MESP1: variants seen among roughly 807,000 people sequenced by gnomAD.
The protein encoded by MESP1 is mesoderm posterior bHLH transcription factor 1.
A neutral mutation model predicts 15.2 loss-of-function variants in MESP1; 22 were observed. The observed-to-expected ratio is 1.45, with a 90% CI of 1.04 to 2.07. The LOEUF (loss-of-function observed/expected upper bound fraction) is 2.07, where lower values mean the gene tolerates loss of function less well. Ranked by LOEUF, MESP1 falls within the 30% of genes most tolerant of loss-of-function variation. MESP1 has a pLI of 0.00. For missense variants in MESP1, 484 were observed against 411.9 expected (o/e 1.17, Z -1.51); for synonymous variants, 216 against 192.6 (o/e 1.12, Z -1.01).
downstream of MESP1, chr15:89,748,986 T>G (rs952301532): frequency 1.3e-5 from 2 of 152,196 alleles, no homozygotes; most frequent in African/African-American, 4.8e-5. Flanking sequence ...TGGGTATCTA[T>G]CCATAGAGGG....
downstream of MESP1, among the ~76,000 whole-genome samples, chr15:89,747,705 C>T (rs569780828): frequency 2.0e-5 from 3 of 152,320 alleles, no homozygotes; most frequent in East Asian, 1.9e-4. Flanking sequence ...GAGTCACAGC[C>T]GGGTCCAGAT....
At chr15:89,745,948 AACACCTCCACACATCC>A (rs1416459286), downstream of MESP1, among the ~76,000 whole-genome samples, 8 of 143,218 alleles carry the variant, frequency 5.6e-5, no homozygotes, top group Non-Finnish European at 1.2e-4. This position sits in a 1 kb window ranked among gnomAD's most constrained non-coding sequence, Gnocchi z 4.8. Flanking sequence ...TCCACACACC[AACACCTCCACACATCC>A]ACACCTCCAC....
At chr15:89,747,050 G>GCGCACA (rs147675272), downstream of MESP1, among the ~76,000 whole-genome samples, 1 of 105,562 alleles carries the variant, frequency 9.5e-6, no homozygotes, top group African/African-American at 3.8e-5. Context: ...ACATGCGCAT[G>GCGCACA]CACACACACA....
the MESP1 span, among the ~76,000 whole-genome samples, chr15:89,733,601 G>A: frequency 3.9e-5 from 6 of 152,054 alleles, no homozygotes; most frequent in Non-Finnish European, 8.8e-5. Flanking sequence ...GGTATCATGG[G>A]AGTGGAAATA....
chr15:89,736,241 G>A, the MESP1 span, among the ~76,000 whole-genome samples: 3 of 152,288 alleles, frequency 2.0e-5, no homozygotes, highest in East Asian at 1.9e-4. Context: ...AAGCGTGCGC[G>A]GTTGATCCTC....
the MESP1 span, chr15:89,743,463 C>A: frequency 6.9e-7 from 1 of 1,458,462 alleles, no homozygotes; most frequent in Non-Finnish European, 9.5e-7. Flanking sequence ...GACACTGAGG[C>A]CAAGAGAAAT....
Position 89,750,128 on chromosome 15 carries a change from C to T in MESP1, c.*16G>A, listed in dbSNP as rs1477863098. ...AAAGCCTCGGTGCTCACAGAGACGGCGTCAGTTGTCCCTTGTCACTTGGGC... is the reference window on the plus strand; with the variant it reads ...AAAGCCTCGGTGCTCACAGAGACGGTGTCAGTTGTCCCTTGTCACTTGGGC... On this transcript the variant is annotated 3_prime_UTR_variant, in exon 2 of 2. Coordinates refer to ENST00000300057, the MANE Select transcript of MESP1 (RefSeq NM_018670.4). 9 of 1,612,856 alleles carry T rather than the reference C, an allele frequency of 5.6e-6. No individual in the cohort carries two copies. The highest frequency in any genetic ancestry group is 7.6e-6 in the Non-Finnish European group (9 of 1,179,150).
rs1350009707 is a variant in MESP1 at position 89,750,814 on chromosome 15, G to A, written c.418C>T (p.Leu140=). ...TGGAGACTCTCCTCGCTGAGGCCTA[G>A]CACGGCCGACAGGTGGCCGATATAG... The part of the protein sequence containing the change: ...IRYIGHLSAV[L]GLSEESLQRR... The change falls in exon 1 of 2, where the codon CTA becomes TTA. Residue 140 remains leucine, a synonymous_variant. Coordinates refer to ENST00000300057, the MANE Select transcript of MESP1 (RefSeq NM_018670.4). 1 of 1,530,572 alleles carries A rather than the reference G, an allele frequency of 6.5e-7. No homozygotes were observed. Among genetic ancestry groups the A allele is most frequent in the African/African-American group, 1.4e-5 (1 of 70,254 alleles). The allele number at this position is 1,530,572 out of a possible 1,614,324, so 94.8% of individuals were successfully genotyped here. A position where few individuals can be genotyped will look rare whatever the true frequency, so the allele number is the denominator to read the frequency against.
chr15:89,746,310 C>A (rs1967949516), downstream of MESP1, among the ~76,000 whole-genome samples: 1 of 144,196 alleles, frequency 6.9e-6, no homozygotes, highest in African/African-American at 2.8e-5. Context: ...CACATCCACA[C>A]AGTATCCACA....
rs1302627219 is a variant in MESP1 at position 89,751,031 on chromosome 15, G to A, written c.201C>T (p.Pro67=). The change falls in exon 1 of 2, where the codon CCC becomes CCT. Residue 67 remains proline, a synonymous_variant. Coordinates refer to ENST00000300057, the MANE Select transcript of MESP1 (RefSeq NM_018670.4). ...RPGTLRDPRA[P]SVGRRGARSS... ...TGCGCGCGCCGCGCCTACCTACGGAGGGGGCGCGGGGGTCCCGGAGGGTGC... is the reference window on the plus strand; with the variant it reads ...TGCGCGCGCCGCGCCTACCTACGGAAGGGGCGCGGGGGTCCCGGAGGGTGC... 1 of 1,347,490 alleles carries A rather than the reference G, an allele frequency of 7.4e-7. No individual in the cohort carries two copies. Among genetic ancestry groups the A allele is most frequent in the Non-Finnish European group, 9.5e-7 (1 of 1,057,960 alleles). 83.5% of individuals were successfully genotyped at this position (1,347,490 alleles called of 1,614,324 possible). A position where few individuals can be genotyped will look rare whatever the true frequency, so the allele number is the denominator to read the frequency against.
At chr15:89,746,685 CCA>C (rs1311100911), downstream of MESP1, among the ~76,000 whole-genome samples, 6 of 142,634 alleles carry the variant, frequency 4.2e-5, no homozygotes, top group Middle Eastern at 3.8e-3. Flanking sequence ...AGCCGCACCT[CCA>C]CACACACACA....
At chr15:89,739,483 ACT>A in the MESP1 span, among the ~76,000 whole-genome samples, 1 of 152,090 alleles carries the variant, frequency 6.6e-6, no homozygotes, top group African/African-American at 2.4e-5. Flanking sequence ...TCCTGCAAGC[ACT>A]GTTTTCTTGC....
chr15:89,735,070 C>T, the MESP1 span, among the ~76,000 whole-genome samples: 1 of 151,006 alleles, frequency 6.6e-6, no homozygotes, highest in East Asian at 2.0e-4. Flanking sequence ...TTGTTTGAGA[C>T]ACGGTCTCAC....
the MESP1 span, among the ~76,000 whole-genome samples, chr15:89,741,740 A>G: frequency 8.0e-3 from 1,221 of 152,122 alleles, 16 homozygotes; most frequent in African/African-American, 0.027. Flanking sequence ...AAATCTAAAT[A>G]TAAAACCTAT....
the MESP1 span, among the ~76,000 whole-genome samples, chr15:89,735,295 G>A: frequency 6.6e-6 from 1 of 152,118 alleles, no homozygotes; most frequent in African/African-American, 2.4e-5. Flanking sequence ...ATATTTCATT[G>A]TATAAGATAC....
Position 89,750,931 on chromosome 15 carries a change from C to A in MESP1, c.301G>T (p.Ala101Ser), listed in dbSNP as rs537226260. Residue 101 changes from alanine (A) to serine (S), a missense_variant, in exon 1 of 2, where the codon GCC (alanine) becomes TCC (serine). Transcript: ENST00000300057. ...EKLRMRTLARALHELRRFLPP... is the reference protein window; with the variant it reads ...EKLRMRTLARSLHELRRFLPP... ...AGAAAGCGGCGCAGCTCGTGCAGGG[C>A]GCGGGCCAGCGTGCGCATGCGCAGT... 1.1e-5 allele frequency: 16 copies of A among 1,461,132 alleles called. No homozygotes were observed. In the African/African-American group the frequency reaches 1.5e-4, roughly 13 times the overall value. 90.5% of individuals were successfully genotyped at this position (1,461,132 alleles called of 1,614,324 possible). A position where few individuals can be genotyped will look rare whatever the true frequency, so the allele number is the denominator to read the frequency against.
At chr15:89,735,369 A>T in the MESP1 span, 1 of 978,088 alleles carries the variant, frequency 1.0e-6, no homozygotes, top group Non-Finnish European at 1.6e-6. Flanking sequence ...GCTACTATGA[A>T]CAGCCTCCTC....
At chr15:89,738,806 C>G in the MESP1 span, among the ~76,000 whole-genome samples, 2 of 151,752 alleles carry the variant, frequency 1.3e-5, no homozygotes, top group African/African-American at 2.4e-5. Flanking sequence ...TTTTAACTTT[C>G]TCAATTCCCT....
At chr15:89,736,983 A>G in the MESP1 span, among the ~76,000 whole-genome samples, 4,600 of 152,060 alleles carry the variant, frequency 0.03, 95 homozygotes, top group Non-Finnish European at 0.042. Context: ...AGTAGAGACG[A>G]GGTTTCACCG....
Sources: allele counts gnomAD v4.1 joint callset (sites outside exome capture counted in the v4.1 genomes callset), GRCh38; gene constraint gnomAD v4.1.1; non-coding constraint Gnocchi (gnomAD v3.1); transcripts MANE v1.5; gene names NCBI Gene and HGNC (gene_info 2026-07-23, HGNC 2026-07-21).